TRPC3: variants seen among roughly 807,000 people sequenced by gnomAD.
TRPC3 encodes transient receptor potential cation channel subfamily C member 3, also known as short transient receptor potential channel 3.
A neutral mutation model predicts 90.9 loss-of-function variants in TRPC3; 54 were observed. The observed-to-expected ratio is 0.59, with a 90% CI of 0.48 to 0.75. The LOEUF (loss-of-function observed/expected upper bound fraction) is 0.75, where lower values mean the gene tolerates loss of function less well. Ranked by LOEUF, TRPC3 falls within the 30% of genes least tolerant of loss-of-function variation. The probability of loss-of-function intolerance (pLI) is 0.00; values close to 1 mark genes in which losing one functional copy is unlikely to be tolerated. For synonymous variants in TRPC3, 424 were observed against 450.9 expected (o/e 0.94, Z 0.75); for missense variants, 918 against 1,194.5 (o/e 0.77, Z 3.41).
intron 2 of TRPC3, among the ~76,000 whole-genome samples, chr4:121,931,070 G>A (rs1036537786): frequency 3.3e-5 from 5 of 152,144 alleles, no homozygotes; most frequent in African/African-American, 1.2e-4. Context: ...AATGAGCATT[G>A]ATGGATATCC....
At chr4:121,950,131 T>C (rs1730654585) in intron 1 of TRPC3, among the ~76,000 whole-genome samples, 1 of 152,234 alleles carries the variant, frequency 6.6e-6, no homozygotes, top group Non-Finnish European at 1.5e-5. Context: ...TCCACGCTTA[T>C]CTTCAGCAAT....
At chr4:121,883,031 T>C (rs1727995758) in intron 10 of TRPC3, among the ~76,000 whole-genome samples, 1 of 152,104 alleles carries the variant, frequency 6.6e-6, no homozygotes, top group Admixed American at 6.6e-5. Context: ...CTAATAGCAA[T>C]ATATGTGACT....
At chr4:121,925,323 C>G in intron 2 of TRPC3, 117 bp from the exon 3 acceptor site, 5 of 1,096,558 alleles carry the variant, frequency 4.6e-6, no homozygotes, top group South Asian at 1.7e-5. Context: ...CTGCAGCCCA[C>G]CTGGATGCAA....
chr4:121,933,933 A>G (rs1378512844), intron 1 of TRPC3, among the ~76,000 whole-genome samples: 1 of 152,242 alleles, frequency 6.6e-6, no homozygotes, highest in African/African-American at 2.4e-5. Context: ...AATAAGAATT[A>G]TTTAATTACT....
chr4:121,912,662 T>C (rs1247992868), intron 4 of TRPC3, among the ~76,000 whole-genome samples: 1 of 152,226 alleles, frequency 6.6e-6, no homozygotes, highest in Admixed American at 6.5e-5. Flanking sequence ...ATGAATATTG[T>C]ATCTGTTACT....
In TRPC3 at chr4:121,932,883, G is replaced by A. The variant is rs201973758; in HGVS notation, c.375C>T (p.Ile125=). 1.9e-6 allele frequency: 3 copies of A among 1,614,070 alleles called. No individual in the cohort carries two copies. The highest frequency in any genetic ancestry group is 1.7e-6 in the Non-Finnish European group (2 of 1,179,988). ...RFLDAAEYGN[I]PVVRKMLEES... ...CCTCCAGCATCTTGCGCACCACTGGGATGTTGCCGTACTCGGCGGCGTCGA... is the reference window on the plus strand; with the variant it reads ...CCTCCAGCATCTTGCGCACCACTGGAATGTTGCCGTACTCGGCGGCGTCGA... The change falls in exon 2 of 12, where the codon ATC becomes ATT. Residue 125 remains isoleucine (I), a synonymous_variant. Transcript: ENST00000379645. The surrounding 1 kb of genome is among the most constrained non-coding windows in gnomAD (Gnocchi z 7.7).
At chr4:121,881,044 G>A (rs1391263954) in intron 11 of TRPC3, among the ~76,000 whole-genome samples, 1 of 151,746 alleles carries the variant, frequency 6.6e-6, no homozygotes, top group Non-Finnish European at 1.5e-5. Context: ...GCAGACTTCA[G>A]TGGAAGGAGT....
intron 2 of TRPC3, among the ~76,000 whole-genome samples, chr4:121,929,592 C>A (rs1278576317): frequency 6.6e-6 from 1 of 152,104 alleles, no homozygotes; most frequent in East Asian, 1.9e-4. Flanking sequence ...TCTTTAATAA[C>A]CTGTCACCGA....
intron 3 of TRPC3, among the ~76,000 whole-genome samples, chr4:121,923,729 A>C (rs1252235149): frequency 1.3e-5 from 2 of 152,230 alleles, no homozygotes; most frequent in African/African-American, 2.4e-5. Flanking sequence ...ACACAGGAGC[A>C]CATGGTGATG....
At chr4:121,947,751 A>C (rs1202553631) in intron 1 of TRPC3, among the ~76,000 whole-genome samples, 1 of 152,234 alleles carries the variant, frequency 6.6e-6, no homozygotes, top group East Asian at 1.9e-4. Flanking sequence ...ACTTTTATTA[A>C]GACAATTTTT....
rs567747353 is a variant in TRPC3, at chr4:121,943,048, T to C, written c.215+8418A>G. 3.5e-4 allele frequency among the ~76,000 whole-genome samples: 53 copies of C among 152,360 alleles called. No individual in the cohort carries two copies. The Middle Eastern group carries it at 0.01, about 29-fold the overall frequency. ...CTCCCCAATGATATTAAAATGTCCT[T>C]AAAGGCAAAGGCTGCCTCTTTTCAT... On this transcript the variant is annotated intron_variant, in intron 1 of 11. Coordinates refer to ENST00000379645, the MANE Select transcript of TRPC3 (RefSeq NM_001130698.2).
chr4:121,897,115 C>T (rs1728541096), intron 10 of TRPC3, among the ~76,000 whole-genome samples: 1 of 152,010 alleles, frequency 6.6e-6, no homozygotes, highest in Non-Finnish European at 1.5e-5. Flanking sequence ...TAGACTCCCA[C>T]TTCTCACCTT....
At chr4:121,939,118 A>G (rs1730223429) in intron 1 of TRPC3, among the ~76,000 whole-genome samples, 1 of 152,156 alleles carries the variant, frequency 6.6e-6, no homozygotes, top group South Asian at 2.1e-4. Flanking sequence ...TTTCAAATAC[A>G]GGATCTTTGC....
At chr4:121,888,735 T>C (rs1469289770) in intron 10 of TRPC3, among the ~76,000 whole-genome samples, 1 of 152,212 alleles carries the variant, frequency 6.6e-6, no homozygotes. Context: ...GTCTTACCTA[T>C]TATAATCAGG....
Position 121,951,554 on chromosome 4 carries a change from C to G in TRPC3, c.127G>C (p.Val43Leu), listed in dbSNP as rs754251873. 7.0e-7 allele frequency: 1 copy of G among 1,434,256 alleles called. No homozygotes were observed. The allele number at this position is 1,434,256 out of a possible 1,614,324, so 88.8% of individuals were successfully genotyped here. A position where few individuals can be genotyped will look rare whatever the true frequency, so the allele number is the denominator to read the frequency against. The stretch of plus-strand genomic sequence containing the variant: ...GAGCGCGGCTCCAGCCCCCCGTTGA[C>G]GCCCCTCCAGCCCCGGCGGCGGCGC... ...PQRRRRGWRG[V>L]NGGLEPRSAP... Residue 43 changes from valine (V) to leucine (L), a missense_variant, in exon 1 of 12, where the codon GTC becomes CTC. Around this residue, in one of 4 missense-constraint regions of TRPC3, gnomAD observed 609 missense variants for 725.9 expected, o/e 0.84. Coordinates refer to ENST00000379645, the MANE Select transcript of TRPC3 (RefSeq NM_001130698.2). The surrounding 1 kb of genome is among the most constrained non-coding windows in gnomAD (Gnocchi z 4.4).
chr4:121,932,553 G>A lies in TRPC3; in HGVS notation c.705C>T (p.Thr235=), dbSNP rs775063751. The A allele has an allele frequency of 4.3e-6, 7 of 1,614,228 alleles. No individual in the cohort carries two copies. Among genetic ancestry groups the A allele is most frequent in the Non-Finnish European group, 5.9e-6 (7 of 1,180,044 alleles). Residue 235 remains threonine (T), a synonymous_variant, in exon 2 of 12, where the codon ACC becomes ACT. Transcript: ENST00000379645. This position sits in a 1 kb window ranked among gnomAD's most constrained non-coding sequence, Gnocchi z 7.7. ...EDGTRFSPDI[T]PIILAAHCQK... ...GGCAGTGCGCCGCCAGGATGATGGGGGTGATGTCCGGCGAGAAGCGCGTGC... is the reference window on the plus strand; with the variant it reads ...GGCAGTGCGCCGCCAGGATGATGGGAGTGATGTCCGGCGAGAAGCGCGTGC...
intron 7 of TRPC3, among the ~76,000 whole-genome samples, chr4:121,905,094 T>C (rs1264347194): frequency 6.6e-6 from 1 of 152,054 alleles, no homozygotes; most frequent in Non-Finnish European, 1.5e-5. Flanking sequence ...TGTGTGTTTA[T>C]ATAAAATTAT....
intron 1 of TRPC3, among the ~76,000 whole-genome samples, chr4:121,935,327 G>A (rs1730092543): frequency 6.6e-6 from 1 of 152,014 alleles, no homozygotes; most frequent in South Asian, 2.1e-4. Context: ...AGTAGGGTAT[G>A]ATGTGTAGGG....
Position 121,878,682 on chromosome 4 carries a change from C to A in TRPC3, c.*1054G>T, listed in dbSNP as rs1213318860. Among the ~76,000 whole-genome samples the A allele has an allele frequency of 5.9e-5, 9 of 152,272 alleles. No individual in the cohort carries two copies. The East Asian group carries it at 1.7e-3, about 29-fold the overall frequency. On this transcript the variant is annotated 3_prime_UTR_variant, in exon 12 of 12. Coordinates refer to ENST00000379645, the MANE Select transcript of TRPC3 (RefSeq NM_001130698.2). ...TTTATATAGAAAGTGGAACTGGAAT[C>A]CTTTGATAAGAAACAAAGATGTCAA... is the stretch of plus-strand genomic sequence containing the variant.
Sources: gnomAD v4.1 joint callset for allele counts (sites outside exome capture counted in the v4.1 genomes callset) on GRCh38, gnomAD v4.1.1 for gene constraint, gnomAD v4.1.1 regional missense constraint, Gnocchi (gnomAD v3.1) non-coding constraint, MANE v1.5 for transcripts, NCBI Gene and HGNC (gene_info 2026-07-23, HGNC 2026-07-21) for gene names.